Variants in REPS2 observed in about 807,000 individuals in gnomAD.
REPS2 encodes the protein ralBP1-associated Eps domain-containing protein 2.
A neutral mutation model predicts 53.6 loss-of-function variants in REPS2; 23 were observed. The observed-to-expected ratio is 0.43, with a 90% CI of 0.31 to 0.61. The LOEUF (loss-of-function observed/expected upper bound fraction) is 0.61, where lower values mean the gene tolerates loss of function less well. Ranked by LOEUF, REPS2 falls within the 20% of genes least tolerant of loss-of-function variation. REPS2 has a pLI of 0.11. For synonymous variants in REPS2, 238 were observed against 218.6 expected, an observed-to-expected ratio of 1.09 and a Z score of -0.78; for missense variants, 446 against 534.9, an observed-to-expected ratio of 0.83 and a Z score of 1.64.
intron 14 of REPS2, among the ~76,000 whole-genome samples, chrX:17,111,108 T>G (rs2062963918): frequency 8.9e-6 from 1 of 112,370 alleles, no homozygotes. Flanking sequence ...TTGTCAGCTT[T>G]CAAATATCTA....
chrX:17,042,109 C>T (rs774512182), intron 5 of REPS2, among the ~76,000 whole-genome samples: 6 of 111,950 alleles, frequency 5.4e-5, no homozygotes, highest in Non-Finnish European at 1.1e-4. Context: ...TATAATGAAC[C>T]ATATGTATGT....
intron 1 of REPS2, among the ~76,000 whole-genome samples, chrX:16,988,691 A>G (rs2061123101): frequency 9.0e-6 from 1 of 110,935 alleles, no homozygotes; most frequent in Non-Finnish European, 1.9e-5. Flanking sequence ...ACAAATGGAC[A>G]CTGAAATTAA....
intron 14 of REPS2, 29 bp downstream of exon 14, chrX:17,103,808 T>C (rs1321508782): frequency 1.7e-6 from 2 of 1,170,287 alleles, no homozygotes; most frequent in Admixed American, 2.2e-5. Context: ...TTATGTAAAC[T>C]GTTCGGTGGT....
intron 16 of REPS2, chrX:17,136,752 C>G (rs2063371804): frequency 8.9e-6 from 1 of 112,007 alleles, no homozygotes; most frequent in Non-Finnish European, 1.9e-5. Context: ...TTTTGTCATG[C>G]CTAAAATAAT....
chrX:17,128,535 G>A (rs1291554458), intron 14 of REPS2, among the ~76,000 whole-genome samples: 2 of 111,985 alleles, frequency 1.8e-5, no homozygotes, highest in South Asian at 7.5e-4. Flanking sequence ...GGTGACCCAG[G>A]TGGGGCCAAC....
In REPS2 at chrX:17,007,246, A is replaced by G. The variant is rs987720277; in HGVS notation, c.397+902A>G. ...TCCAAATGGCCGAGAAGATTGCCAT[A>G]GATGGCTGGCTGTGGAAGACCAAGC... On this transcript the variant is annotated intron_variant, in intron 2 of 17. Transcript: ENST00000357277. Among the ~76,000 whole-genome samples, 4 of 112,253 alleles carry G rather than the reference A, an allele frequency of 3.6e-5. No individual in the cohort carries two copies. The East Asian group carries it at 1.1e-3, about 31-fold the overall frequency.
At chrX:17,142,873 T>C (rs184992298) in intron 17 of REPS2, among the ~76,000 whole-genome samples, 2 of 112,161 alleles carry the variant, frequency 1.8e-5, no homozygotes, top group East Asian at 5.6e-4. Flanking sequence ...CGCTCAAAAA[T>C]CTATATATGA....
intron 13 of REPS2, among the ~76,000 whole-genome samples, chrX:17,094,168 G>C (rs1048825141): frequency 5.3e-5 from 6 of 112,161 alleles, no homozygotes; most frequent in Non-Finnish European, 7.5e-5. Context: ...TTGAGACCCT[G>C]AATGTCTAAA....
intron 2 of REPS2, among the ~76,000 whole-genome samples, chrX:17,011,154 T>G (rs1440030775): frequency 9.1e-6 from 1 of 109,768 alleles, no homozygotes; most frequent in African/African-American, 3.3e-5. Context: ...GGCACATGAT[T>G]TAAGGGGGCA....
At chrX:17,011,133 G>A (rs1226781648) in intron 2 of REPS2, among the ~76,000 whole-genome samples, 1 of 109,232 alleles carries the variant, frequency 9.2e-6, no homozygotes, top group Admixed American at 9.8e-5. Context: ...CTAGGGTGCT[G>A]TACGACACAG....
At chrX:17,038,540 A>G (rs578136611) in intron 5 of REPS2, among the ~76,000 whole-genome samples, 1 of 112,672 alleles carries the variant, frequency 8.9e-6, no homozygotes, top group Admixed American at 9.4e-5. Flanking sequence ...TTGGCAGCCA[A>G]ATGAAAGCTT....
At chrX:17,012,756 C>A (rs2061445321) in intron 2 of REPS2, among the ~76,000 whole-genome samples, 2 of 111,676 alleles carry the variant, frequency 1.8e-5, no homozygotes, top group Non-Finnish European at 3.8e-5. Context: ...GTATTCAAAT[C>A]TAAGATTGGG....
At chrX:17,101,899 C>T (rs917748493) in intron 13 of REPS2, among the ~76,000 whole-genome samples, 22 of 111,806 alleles carry the variant, frequency 2.0e-4, no homozygotes, top group African/African-American at 6.5e-4. Context: ...AAGCACAAGT[C>T]AATTTAATTA....
intron 14 of REPS2, among the ~76,000 whole-genome samples, chrX:17,107,238 C>T (rs1274586675): frequency 8.9e-6 from 1 of 112,252 alleles, no homozygotes. Context: ...GTTATAGAAT[C>T]GGTTCATAGA....
intron 5 of REPS2, among the ~76,000 whole-genome samples, chrX:17,030,361 G>T (rs760485400): frequency 1.2e-3 from 134 of 109,779 alleles, no homozygotes; most frequent in South Asian, 2.7e-3. Context: ...GGGTGTGCAG[G>T]TTTACTATTT....
chrX:17,082,109 C>A (rs1241526005), intron 13 of REPS2, among the ~76,000 whole-genome samples: 1 of 111,788 alleles, frequency 8.9e-6, no homozygotes, highest in African/African-American at 3.3e-5. Context: ...TGATTCAGAC[C>A]TGCCTCTTCT....
intron 1 of REPS2, among the ~76,000 whole-genome samples, chrX:16,977,636 A>G (rs1213344686): frequency 9.4e-6 from 1 of 106,142 alleles, no homozygotes; most frequent in Non-Finnish European, 1.9e-5. Context: ...GGATTGCTTG[A>G]GCTTAGGCGA....
At chrX:16,968,650 A>T (rs1165352109) in intron 1 of REPS2, among the ~76,000 whole-genome samples, 2 of 80,432 alleles carry the variant, frequency 2.5e-5, no homozygotes, top group South Asian at 6.8e-4. Flanking sequence ...CGGGGGGCTG[A>T]CCCCCCCACC....
At chrX:16,974,164 C>G (rs2060927180) in intron 1 of REPS2, among the ~76,000 whole-genome samples, 1 of 111,509 alleles carries the variant, frequency 9.0e-6, no homozygotes, top group African/African-American at 3.3e-5. Flanking sequence ...TAATTATCCC[C>G]AAAATGTTCT....
Sources: allele counts gnomAD v4.1 joint callset (sites outside exome capture counted in the v4.1 genomes callset), GRCh38; gene constraint gnomAD v4.1.1; transcripts MANE v1.5; gene names NCBI Gene and HGNC (gene_info 2026-07-23, HGNC 2026-07-21).